HIVEP3: variants seen among roughly 807,000 people sequenced by gnomAD.
HIVEP3 encodes the protein transcription factor HIVEP3.
A neutral mutation model predicts 152.8 loss-of-function variants in HIVEP3; 49 were observed. The observed-to-expected ratio is 0.32, with a 90% CI of 0.26 to 0.41. The LOEUF (loss-of-function observed/expected upper bound fraction) is 0.41, where lower values mean the gene tolerates loss of function less well. HIVEP3 is among the 10% of genes least tolerant of loss of function. The pLI, the probability that HIVEP3 is intolerant of heterozygous loss-of-function variation, is 1.00. For synonymous variants in HIVEP3, 1,269 were observed against 1,289.0 expected (o/e 0.98, Z 0.33); for missense variants, 2,790 against 3,103.3 (o/e 0.90, Z 2.40).
intron 3 of HIVEP3, among the ~76,000 whole-genome samples, chr1:41,621,062 C>CA (rs1270725427): frequency 1.3e-5 from 2 of 152,206 alleles, no homozygotes; most frequent in Admixed American, 1.3e-4. Flanking sequence ...TGGGTGTTCC[C>CA]AATTGCCCTT....
In HIVEP3 at chr1:41,664,815, T is replaced by C. The variant is rs1474708965; in HGVS notation, c.-720-35868A>G. ...GGCTTGGGATTTGTCTCCTCCTTTC[T>C]CTTGACAAACTCCTCTGCAGCCATC... is the stretch of plus-strand genomic sequence containing the variant. On this transcript the variant is annotated intron_variant, in intron 2 of 8. Transcript: ENST00000372583. This position sits in a 1 kb window ranked among gnomAD's most constrained non-coding sequence, Gnocchi z 4.4. Among the ~76,000 whole-genome samples the C allele has an allele frequency of 1.3e-5, 2 of 152,132 alleles. No individual in the cohort carries two copies. The highest frequency in any genetic ancestry group is 2.9e-5 in the Non-Finnish European group (2 of 68,014).
At chr1:41,619,272 G>A (rs973328809) in intron 3 of HIVEP3, among the ~76,000 whole-genome samples, 4 of 152,052 alleles carry the variant, frequency 2.6e-5, no homozygotes, top group African/African-American at 7.2e-5. Flanking sequence ...CTCTCCACCC[G>A]TCCTGACTGC....
intron 1 of HIVEP3, among the ~76,000 whole-genome samples, chr1:41,712,357 G>A (rs927799200): frequency 1.3e-5 from 2 of 152,252 alleles, no homozygotes; most frequent in Non-Finnish European, 2.9e-5. Context: ...TCAGGTGCTG[G>A]AGACACAGCC....
At chr1:41,777,248 G>A (rs2124275322) in intron 1 of HIVEP3, among the ~76,000 whole-genome samples, 1 of 152,316 alleles carries the variant, frequency 6.6e-6, no homozygotes, top group South Asian at 2.1e-4. Flanking sequence ...GCTTCTCTAT[G>A]CTTCTGATTG....
At chr1:41,544,841 C>T (rs905461416) in intron 5 of HIVEP3, among the ~76,000 whole-genome samples, 56 of 91,520 alleles carry the variant, frequency 6.1e-4, no homozygotes, top group South Asian at 1.2e-3. Context: ...TCACCACCAC[C>T]ACTACCACCA....
At position 41,579,893 on chromosome 1, in the gene HIVEP3, G is replaced by A. The variant is rs771761576; in HGVS notation, c.4905C>T (p.Tyr1635=). Reference sequence around the variant, plus strand: ...TGGAAACCCCCGGAAGGTTGGGGTTGTACAAACTTATGCACCAACCAGCGT... The same window carrying A: ...TGGAAACCCCCGGAAGGTTGGGGTTATACAAACTTATGCACCAACCAGCGT... ...SVYAGWCISL[Y]NPNLPGVSTK... is the part of the protein sequence containing the mutation. Residue 1635 remains tyrosine (Y), a synonymous_variant, in exon 4 of 9, where the codon TAC becomes TAT. Transcript: ENST00000372583. 4 of 1,614,230 alleles carry A rather than the reference G, an allele frequency of 2.5e-6. No individual in the cohort carries two copies. The highest frequency in any genetic ancestry group is 1.3e-5 in the African/African-American group (1 of 75,060).
chr1:41,767,087 C>T (rs1648060389), intron 1 of HIVEP3, among the ~76,000 whole-genome samples: 1 of 152,206 alleles, frequency 6.6e-6, no homozygotes, highest in South Asian at 2.1e-4. Flanking sequence ...GTGTGGTCCA[C>T]AATGGTTCTT....
intron 1 of HIVEP3, among the ~76,000 whole-genome samples, chr1:41,946,590 G>A (rs1645076460): frequency 6.6e-6 from 1 of 152,130 alleles, no homozygotes; most frequent in Non-Finnish European, 1.5e-5. Flanking sequence ...GTTAGGGAGA[G>A]ACATTCTAGC....
At chr1:41,784,156 A>C (rs2124287407) in intron 1 of HIVEP3, among the ~76,000 whole-genome samples, 2 of 152,150 alleles carry the variant, frequency 1.3e-5, no homozygotes, top group African/African-American at 4.8e-5. Flanking sequence ...CCAGGGTCCC[A>C]CCTCCCCTGC....
chr1:41,739,708 T>G (rs1272986126), intron 1 of HIVEP3, among the ~76,000 whole-genome samples: 1 of 152,238 alleles, frequency 6.6e-6, no homozygotes, highest in East Asian at 1.9e-4. Flanking sequence ...TATCATCTTG[T>G]CTGCTTCCAG....
intron 1 of HIVEP3, among the ~76,000 whole-genome samples, chr1:41,812,194 C>T (rs1159781730): frequency 6.6e-6 from 1 of 152,204 alleles, no homozygotes; most frequent in Non-Finnish European, 1.5e-5. Flanking sequence ...TCCCTTTAAA[C>T]AGGGCCTTCA....
At chr1:41,694,502 T>C (rs904145731) in intron 2 of HIVEP3, among the ~76,000 whole-genome samples, 1 of 152,178 alleles carries the variant, frequency 6.6e-6, no homozygotes, top group East Asian at 1.9e-4. Context: ...GGAAAGCTAA[T>C]TGTGAAATGA....
At chr1:42,023,915 T>C (rs556473093) in intron 1 of HIVEP3, among the ~76,000 whole-genome samples, 1 of 152,322 alleles carries the variant, frequency 6.6e-6, no homozygotes, top group East Asian at 1.9e-4. Flanking sequence ...CCCAGTACCA[T>C]TTATTGGAAA....
chr1:41,535,788 T>C (rs909757847), intron 5 of HIVEP3: 1 of 151,542 alleles, frequency 6.6e-6, no homozygotes, highest in Non-Finnish European at 1.5e-5. Flanking sequence ...AACAGAGAGG[T>C]TGAGTGTCTT....
intron 1 of HIVEP3, among the ~76,000 whole-genome samples, chr1:41,749,404 T>TTGTGTGTGTG (rs3064239): frequency 0.067 from 9,394 of 140,696 alleles, 437 homozygotes; most frequent in Non-Finnish European, 0.085. Context: ...TTAGAAAAAA[T>TTGTGTGTGTG]TGTGTGTGTG....
At chr1:41,956,892 T>C (rs545909664) in intron 1 of HIVEP3, among the ~76,000 whole-genome samples, 15 of 152,304 alleles carry the variant, frequency 9.8e-5, no homozygotes, top group African/African-American at 3.6e-4. Flanking sequence ...CAAACTCCTT[T>C]GTCTATGCTC....
At chr1:41,629,976 G>T (rs1043761669) in intron 2 of HIVEP3, among the ~76,000 whole-genome samples, 3 of 152,208 alleles carry the variant, frequency 2.0e-5, no homozygotes. Flanking sequence ...ACACGCATTT[G>T]TATGTTCACT....
intron 1 of HIVEP3, among the ~76,000 whole-genome samples, chr1:41,962,135 A>G (rs867302170): frequency 6.6e-6 from 1 of 152,256 alleles, no homozygotes; most frequent in African/African-American, 2.4e-5. Context: ...GCTTCAAGAG[A>G]TTCACTTAAG....
At chr1:41,954,050 C>T (rs1448986894) in intron 1 of HIVEP3, among the ~76,000 whole-genome samples, 1 of 152,130 alleles carries the variant, frequency 6.6e-6, no homozygotes, top group African/African-American at 2.4e-5. Context: ...GATGGCAGAC[C>T]ACCCGAGGTG....
Sources: gnomAD v4.1 joint callset for allele counts (sites outside exome capture counted in the v4.1 genomes callset) on GRCh38, gnomAD v4.1.1 for gene constraint, Gnocchi (gnomAD v3.1) non-coding constraint, MANE v1.5 for transcripts, NCBI Gene and HGNC (gene_info 2026-07-23, HGNC 2026-07-21) for gene names.